The following CDAN1 variants were observed in gnomAD, a reference collection of about 807,000 sequenced individuals.
CDAN1 encodes codanin 1.
A neutral mutation model predicts 139.8 loss-of-function variants in CDAN1; 107 were observed. The observed-to-expected ratio is 0.77, with a 90% CI of 0.65 to 0.90. The LOEUF (loss-of-function observed/expected upper bound fraction) is 0.90, where lower values mean the gene tolerates loss of function less well. Among genes scored for constraint, CDAN1 ranks in the 40% least tolerant of loss-of-function variants. CDAN1 has a pLI of 0.00. For synonymous variants in CDAN1, 776 were observed against 660.6 expected, an observed-to-expected ratio of 1.17 and a Z score of -2.68; for missense variants, 1,667 against 1,575.7, an observed-to-expected ratio of 1.06 and a Z score of -0.98.
At position 42,726,110 on chromosome 15, in the gene CDAN1, T is replaced by C; in HGVS notation, c.3255A>G (p.Leu1085=). The change falls in exon 25 of 28, where the codon TTA becomes TTG. Residue 1085 remains leucine, a synonymous_variant. Transcript: ENST00000356231. ...AAGCAACCATACCGAGGAGGGAAGCTAACTCCACAGAGCACTTTGCCAGAT... is the reference window on the plus strand; with the variant it reads ...AAGCAACCATACCGAGGAGGGAAGCCAACTCCACAGAGCACTTTGCCAGAT... ...EQHLAKCSVE[L]ASLLVADQIP... is the part of the protein sequence containing the mutation. The C allele has an allele frequency of 6.2e-7, 1 of 1,612,164 alleles. No individual in the cohort carries two copies. The highest frequency in any genetic ancestry group is 8.5e-7 in the Non-Finnish European group (1 of 1,179,412).
At chr15:42,732,113 C>T (rs1206233939) in intron 10 of CDAN1, among the ~76,000 whole-genome samples, 1 of 152,242 alleles carries the variant, frequency 6.6e-6, no homozygotes, top group African/African-American at 2.4e-5. Flanking sequence ...AAGGCAGCAG[C>T]AGGCTAGAGG....
intron 18 of CDAN1, 31 bp downstream of exon 18, chr15:42,729,198 T>C: frequency 6.2e-7 from 1 of 1,600,998 alleles, no homozygotes; most frequent in Non-Finnish European, 8.6e-7. Context: ...CCCCCTCATT[T>C]TCCCCACGGC....
intron 12 of CDAN1, 51 bp from the exon 13 acceptor site, chr15:42,731,122 A>T: frequency 6.2e-7 from 1 of 1,614,150 alleles, no homozygotes; most frequent in African/African-American, 1.3e-5. Context: ...CTTCCAGAAC[A>T]ATTCCCGATC....
chr15:42,728,074 TG>T, intron 21 of CDAN1, 41 bp from the exon 22 acceptor site: 1 of 1,605,230 alleles, frequency 6.2e-7, no homozygotes, highest in East Asian at 2.2e-5. Context: ...AGGGGAGGGC[TG>T]GGTGCAACAA....
At chr15:42,732,890 C>G (rs543304885) in intron 9 of CDAN1, among the ~76,000 whole-genome samples, 23 of 152,332 alleles carry the variant, frequency 1.5e-4, no homozygotes, top group Admixed American at 3.9e-4. Flanking sequence ...AAGGATAAGA[C>G]ACCTGTGAGT....
intron 10 of CDAN1, 124 bp downstream of exon 10, chr15:42,732,209 C>T: frequency 2.1e-6 from 2 of 951,782 alleles, no homozygotes; most frequent in Non-Finnish European, 3.4e-6. Context: ...AGGAGTAGAA[C>T]TCTTGTTCAA....
In CDAN1 at chr15:42,733,194, A is replaced by C; in HGVS notation, c.1368-8T>G. 1 of 1,613,104 alleles carries C rather than the reference A, an allele frequency of 6.2e-7. No individual in the cohort carries two copies. Among genetic ancestry groups the C allele is most frequent in the Non-Finnish European group, 8.5e-7 (1 of 1,179,416 alleles). On this transcript the variant is annotated splice_region_variant and splice_polypyrimidine_tract_variant and intron_variant, in intron 8 of 27. Transcript: ENST00000356231. ...ACCTCATAAAACACATCCCTGACGC[A>C]TAAGAACGCCTGATCAGCCGAGGCA...
intron 19 of CDAN1, 84 bp downstream of exon 19, chr15:42,728,939 G>A (rs2061569770): frequency 4.4e-6 from 7 of 1,576,876 alleles, no homozygotes; most frequent in Non-Finnish European, 6.1e-6. Context: ...CCCACCCTCT[G>A]GCTGACCTTC....
intron 23 of CDAN1, 140 bp downstream of exon 23, chr15:42,727,481 A>C: frequency 1.4e-6 from 1 of 736,192 alleles, no homozygotes; most frequent in Admixed American, 3.2e-5. Flanking sequence ...CCCATTCAGT[A>C]ATGAGTGAAA....
chr15:42,735,159 C>A lies in CDAN1; in HGVS notation c.1077G>T (p.Leu359=). The change falls in exon 6 of 28, where the codon CTG becomes CTT. Residue 359 remains leucine (L), a synonymous_variant. Transcript: ENST00000356231. The part of the protein sequence containing the change: ...PAVLDSLESP[L]FQSIHDCVFF... Reference sequence around the variant, plus strand: ...AGACACAATCGTGGATGCTTTGGAACAGTGGACTTTCCAGGGAATCTAGAA... The same window carrying A: ...AGACACAATCGTGGATGCTTTGGAAAAGTGGACTTTCCAGGGAATCTAGAA... 3 of 1,613,748 alleles carry A rather than the reference C, an allele frequency of 1.9e-6. No individual in the cohort carries two copies. The South Asian group carries it at 3.3e-5, about 18-fold the overall frequency.
rs759441368 is a variant in CDAN1 at position 42,730,120 on chromosome 15, C to T, written c.2262+8G>A. ...CCTCTCTCCAATCTGGACCCTCACTCTGCCCACCTGGAAAAGCCAGCCCAG... is the reference window on the plus strand; with the variant it reads ...CCTCTCTCCAATCTGGACCCTCACTTTGCCCACCTGGAAAAGCCAGCCCAG... On this transcript the variant is annotated splice_region_variant and intron_variant, in intron 15 of 27. Transcript: ENST00000356231. The T allele has an allele frequency of 9.3e-6, 15 of 1,613,688 alleles. No homozygotes were observed. Among genetic ancestry groups the T allele is most frequent in the African/African-American group, 1.3e-5 (1 of 75,012 alleles).
rs191624595 is a variant in CDAN1, at chr15:42,735,649, G to A, written c.804C>T (p.Pro268=). 3 of 1,613,958 alleles carry A rather than the reference G, an allele frequency of 1.9e-6. No individual in the cohort carries two copies. Among genetic ancestry groups the A allele is most frequent in the Admixed American group, 1.7e-5 (1 of 60,006 alleles). ...RSKQLQQSPT[P]TCPTPELGSP... ...ACCCCAATTCTGGGGTGGGACAGGT[G>A]GGGGTAGGTGACTGCTGCAGCTGCT... is the stretch of plus-strand genomic sequence containing the variant. The change falls in exon 4 of 28, where the codon CCC becomes CCT. Residue 268 remains proline (P), a synonymous_variant. Coordinates refer to ENST00000356231, the MANE Select transcript of CDAN1 (RefSeq NM_138477.4).
chr15:42,724,586 T>G lies in CDAN1; in HGVS notation c.3589A>C (p.Asn1197His), dbSNP rs2061498518. 6.4e-7 allele frequency: 1 copy of G among 1,552,232 alleles called. No homozygotes were observed. Among genetic ancestry groups the G allele is most frequent in the African/African-American group, 1.4e-5 (1 of 73,086 alleles). ...AGGTGGGGCTCGGCTAGAAACAGATTAGACAGTGTTGCTAATTCTTCAGCA... is the reference window on the plus strand; with the variant it reads ...AGGTGGGGCTCGGCTAGAAACAGATGAGACAGTGTTGCTAATTCTTCAGCA... ...DFAEELATLS[N>H]LFLAEPHLPE... The change falls in exon 28 of 28, where the codon AAT (asparagine) becomes CAT (histidine). Residue 1197 changes from asparagine to histidine, a missense_variant. Asn to His is a moderately conservative substitution (Grantham distance 68, BLOSUM62 1). Transcript: ENST00000356231.
Position 42,725,242 on chromosome 15 carries a change from G to C in CDAN1, c.3460C>G (p.Leu1154Val). The change falls in exon 27 of 28, where the codon CTG becomes GTG. Residue 1154 changes from leucine to valine, a missense_variant. By Grantham distance (32) the Leu-to-Val change is conservative. Around this residue, in one of 3 missense-constraint regions of CDAN1, gnomAD observed 936 missense variants for 844.1 expected, o/e 1.11. Coordinates refer to ENST00000356231, the MANE Select transcript of CDAN1 (RefSeq NM_138477.4). Reference protein sequence around the residue: ...ADTRPREWDLLLFLLRELVEK... With the variant: ...ADTRPREWDLVLFLLRELVEK... Reference sequence around the variant, plus strand: ...ACCAGCTCCCGTAGCAAGAATAGCAGCAAGTCCCACTGCAAAACACACCGA... The same window carrying C: ...ACCAGCTCCCGTAGCAAGAATAGCACCAAGTCCCACTGCAAAACACACCGA... 6.2e-7 allele frequency: 1 copy of C among 1,614,096 alleles called. No individual in the cohort carries two copies. Among genetic ancestry groups the C allele is most frequent in the Non-Finnish European group, 8.5e-7 (1 of 1,179,942 alleles).
At position 42,727,945 on chromosome 15, in the gene CDAN1, A is replaced by AGGACCTTACCTG; in HGVS notation, c.2945_2947+9dup. The AGGACCTTACCTG allele has an allele frequency of 6.2e-7, 1 of 1,613,590 alleles. No individual in the cohort carries two copies. The highest frequency in any genetic ancestry group is 8.5e-7 in the Non-Finnish European group (1 of 1,179,502). On this transcript the variant is annotated intron_variant, in intron 22 of 27. Transcript: ENST00000356231. ...ACTTGATTCAGCCACTCCCCCATCCAGGACCTTACCTGTGATGTTGGCTGA... is the reference window on the plus strand; with the variant it reads ...ACTTGATTCAGCCACTCCCCCATCCAGGACCTTACCTGGGACCTTACCTGTGATGTTGGCTGA...
rs181448047 is a variant in CDAN1 at position 42,730,713 on chromosome 15, G to A, written c.2059C>T (p.Arg687Cys). 294 of 1,613,300 alleles carry A rather than the reference G, an allele frequency of 1.8e-4. 1 individual carries two copies. The East Asian group carries it at 4.9e-3, about 27-fold the overall frequency. ...RTLLQRGLQA[R>C]RAVLTVPWLV... ...CAGGGCACGGTGAGCACCGCCCGGC[G>A]GGCCTGCAGCCCTCGCTGCAGCAGA... The change falls in exon 14 of 28, where the codon CGC becomes TGC. Residue 687 changes from arginine to cysteine, a missense_variant. Physicochemically the swap from Arg to Cys is radical, Grantham distance 180. Coordinates refer to ENST00000356231, the MANE Select transcript of CDAN1 (RefSeq NM_138477.4).
At chr15:42,727,855 C>G in intron 22 of CDAN1, 86 bp from the exon 23 acceptor site, 1 of 1,605,986 alleles carries the variant, frequency 6.2e-7, no homozygotes, top group South Asian at 1.1e-5. Flanking sequence ...TTGCTGTTTC[C>G]TACTGGCTCT....
At chr15:42,726,030 T>C in intron 25 of CDAN1, 67 bp downstream of exon 25, 2 of 1,303,922 alleles carry the variant, frequency 1.5e-6, no homozygotes, top group Non-Finnish European at 2.2e-6. Flanking sequence ...TTTCTAATCT[T>C]GCTTGTACCC....
intron 23 of CDAN1, 111 bp from the exon 24 acceptor site, chr15:42,726,528 G>C: frequency 1.2e-6 from 1 of 843,312 alleles, no homozygotes; most frequent in Non-Finnish European, 1.9e-6. Flanking sequence ...ATGGGCCCCG[G>C]GATATGGTGA....
Sources: gnomAD v4.1 joint callset for allele counts (sites outside exome capture counted in the v4.1 genomes callset) on GRCh38, gnomAD v4.1.1 for gene constraint, gnomAD v4.1.1 regional missense constraint, MANE v1.5 for transcripts, NCBI Gene and HGNC (gene_info 2026-07-23, HGNC 2026-07-21) for gene names.